VTI1A: variants seen among roughly 807,000 people sequenced by gnomAD.
VTI1A encodes the protein vesicle transport through interaction with t-SNAREs homolog 1A.
A neutral mutation model predicts 34.9 loss-of-function variants in VTI1A; 22 were observed. The observed-to-expected ratio is 0.63, with a 90% CI of 0.45 to 0.90. The LOEUF is 0.90. Among genes scored for constraint, VTI1A ranks in the 40% least tolerant of loss-of-function variants. VTI1A has a pLI of 0.00. For synonymous variants in VTI1A, 87 were observed against 97.3 expected (o/e 0.89, Z 0.62); for missense variants, 268 against 275.6 (o/e 0.97, Z 0.20).
chr10:112,580,942 T>TA (rs996151040), intron 5 of VTI1A, among the ~76,000 whole-genome samples: 3 of 152,192 alleles, frequency 2.0e-5, no homozygotes, highest in Admixed American at 2.0e-4. Context: ...TATAGCCTGA[T>TA]AGTCCATAGC....
At chr10:112,694,739 C>A (rs1033518326) in intron 7 of VTI1A, among the ~76,000 whole-genome samples, 2 of 152,022 alleles carry the variant, frequency 1.3e-5, no homozygotes, top group Non-Finnish European at 2.9e-5. Flanking sequence ...GAGGCGGAGG[C>A]GGGCAGATCA....
At chr10:112,770,841 A>G (rs1443917171) in intron 7 of VTI1A, among the ~76,000 whole-genome samples, 1 of 152,168 alleles carries the variant, frequency 6.6e-6, no homozygotes, top group African/African-American at 2.4e-5. Context: ...TCAGAAACAA[A>G]TAGGGTTAGA....
chr10:112,651,848 G>A (rs541427016), intron 5 of VTI1A, among the ~76,000 whole-genome samples: 2 of 152,310 alleles, frequency 1.3e-5, no homozygotes, highest in South Asian at 4.1e-4. Flanking sequence ...CTTCATCCAA[G>A]TCTGTTTTAT....
chr10:112,532,493 T>C (rs776261377), intron 4 of VTI1A, among the ~76,000 whole-genome samples: 1 of 152,152 alleles, frequency 6.6e-6, no homozygotes, highest in Non-Finnish European at 1.5e-5. Flanking sequence ...ATCTCACTTA[T>C]ACAGTGATAT....
At chr10:112,513,289 T>G (rs1430999510) in intron 3 of VTI1A, among the ~76,000 whole-genome samples, 2 of 152,070 alleles carry the variant, frequency 1.3e-5, no homozygotes, top group Non-Finnish European at 2.9e-5. Flanking sequence ...GTTTAATTTT[T>G]TGTTGCTATT....
At position 112,447,252 on chromosome 10, in the gene VTI1A, G is replaced by A; in HGVS notation, c.-122G>A. On this transcript the variant is annotated 5_prime_UTR_variant, in exon 1 of 8. Transcript: ENST00000393077. The stretch of plus-strand genomic sequence containing the variant: ...AGCGGCTGGGTTGAGAGCTGTCCCC[G>A]GTTCTCCGTTCTGCTCTCGGGGGCA... The A allele has an allele frequency of 9.6e-7, 1 of 1,042,036 alleles. No homozygotes were observed. The highest frequency in any genetic ancestry group is 2.3e-5 in the Admixed American group (1 of 43,076). The allele number at this position is 1,042,036 out of a possible 1,614,324, so 64.5% of individuals were successfully genotyped here.
intron 5 of VTI1A, among the ~76,000 whole-genome samples, chr10:112,657,233 A>G (rs918798031): frequency 3.0e-4 from 45 of 152,330 alleles, no homozygotes; most frequent in African/African-American, 1.1e-3. Flanking sequence ...ATATAGCAGC[A>G]TGTATGTGTA....
At chr10:112,659,549 G>T (rs183446926) in intron 5 of VTI1A, among the ~76,000 whole-genome samples, 2 of 152,272 alleles carry the variant, frequency 1.3e-5, no homozygotes, top group Admixed American at 6.5e-5. Context: ...GTAACTAAGG[G>T]GAGGTTCTGC....
the VTI1A span, among the ~76,000 whole-genome samples, chr10:112,832,664 G>A: frequency 1.3e-5 from 2 of 152,320 alleles, no homozygotes; most frequent in East Asian, 3.9e-4. Flanking sequence ...TACCTGGGTG[G>A]CCCCTGCATC....
chr10:112,699,829 A>G (rs577292734), intron 7 of VTI1A, among the ~76,000 whole-genome samples: 21 of 136,972 alleles, frequency 1.5e-4, no homozygotes, highest in Non-Finnish European at 3.2e-4. Context: ...CTCCGTCTCA[A>G]AAAAAAAAAG....
intron 7 of VTI1A, among the ~76,000 whole-genome samples, chr10:112,755,242 C>T (rs1044687714): frequency 3.3e-5 from 5 of 150,294 alleles, no homozygotes; most frequent in African/African-American, 4.9e-5. Flanking sequence ...GGTGACAGAG[C>T]GAGACTGTCT....
intron 5 of VTI1A, among the ~76,000 whole-genome samples, chr10:112,553,186 T>C (rs1481781503): frequency 2.0e-5 from 3 of 152,218 alleles, no homozygotes; most frequent in Non-Finnish European, 2.9e-5. Context: ...TTCATCCAAG[T>C]GCCAAGTCAG....
chr10:112,615,080 A>G (rs1256278376), intron 5 of VTI1A, among the ~76,000 whole-genome samples: 2 of 152,324 alleles, frequency 1.3e-5, no homozygotes, highest in East Asian at 3.9e-4. Flanking sequence ...AAAAAACCTA[A>G]AAATCCATAA....
chr10:112,784,260 C>T (rs1401200583), intron 7 of VTI1A, among the ~76,000 whole-genome samples: 1 of 152,202 alleles, frequency 6.6e-6, no homozygotes, highest in Admixed American at 6.5e-5. Context: ...ATTCCTTACA[C>T]TAGTTTTACT....
chr10:112,538,421 AG>A, intron 5 of VTI1A, 91 bp downstream of exon 5: 6 of 1,174,870 alleles, frequency 5.1e-6, no homozygotes, highest in Non-Finnish European at 7.6e-6. Flanking sequence ...AAGGAGTAGC[AG>A]AGACAGCAGC....
intron 7 of VTI1A, among the ~76,000 whole-genome samples, chr10:112,731,125 G>A (rs977909863): frequency 1.2e-4 from 19 of 152,142 alleles, no homozygotes; most frequent in Admixed American, 7.9e-4. Flanking sequence ...GAACTGAAGG[G>A]AGCAAAAGTT....
intron 5 of VTI1A, among the ~76,000 whole-genome samples, chr10:112,542,839 C>A (rs1036125879): frequency 6.6e-6 from 1 of 152,190 alleles, no homozygotes; most frequent in Non-Finnish European, 1.5e-5. Context: ...CTCCCCACCC[C>A]ACAACAGGCC....
chr10:112,635,341 A>G lies in VTI1A; in HGVS notation c.428-32877A>G, dbSNP rs139142685. Reference sequence around the variant, plus strand: ...TGTTTTAGCAGAACCGTGAGCAGTCAGCAGGATTGTACGGATTGGAGATTG... The same window carrying G: ...TGTTTTAGCAGAACCGTGAGCAGTCGGCAGGATTGTACGGATTGGAGATTG... On this transcript the variant is annotated intron_variant, in intron 5 of 7. Transcript: ENST00000393077. Among the ~76,000 whole-genome samples, 489 of 152,330 alleles carry G rather than the reference A, an allele frequency of 3.2e-3. 1 individual carries two copies. The highest frequency in any genetic ancestry group is 0.011 in the African/African-American group (454 of 41,570).
In VTI1A at chr10:112,816,225, A is replaced by G; in HGVS notation, c.*842A>G. 1 of 215,946 alleles carries G rather than the reference A, an allele frequency of 4.6e-6. No homozygotes were observed. The highest frequency in any genetic ancestry group is 9.3e-6 in the Non-Finnish European group (1 of 107,172). 13.4% of individuals were successfully genotyped at this position (215,946 alleles called of 1,614,324 possible). A position where few individuals can be genotyped will look rare whatever the true frequency, so the allele number is the denominator to read the frequency against. On this transcript the variant is annotated 3_prime_UTR_variant, in exon 8 of 8. Transcript: ENST00000393077. ...ATCTGCACTGCCAAAAGCAGTCCTC[A>G]TACTTGCAAAAGGTCTGACAAGGTT...
Sources: allele counts gnomAD v4.1 joint callset (sites outside exome capture counted in the v4.1 genomes callset), GRCh38; gene constraint gnomAD v4.1.1; transcripts MANE v1.5; gene names NCBI Gene and HGNC (gene_info 2026-07-23, HGNC 2026-07-21).